Variants in INSYN2B observed in about 807,000 individuals in gnomAD.
The protein encoded by INSYN2B is protein INSYN2B.
In INSYN2B, 16 loss-of-function variants were observed where a neutral mutation model predicts 41.2. The ratio of observed to expected loss-of-function variants is 0.39; its 90% CI spans 0.26 to 0.59. The LOEUF (loss-of-function observed/expected upper bound fraction) is 0.59, where lower values mean the gene tolerates loss of function less well. INSYN2B is among the 20% of genes least tolerant of loss of function. The probability of loss-of-function intolerance (pLI) is 0.57; values close to 1 mark genes in which losing one functional copy is unlikely to be tolerated. For synonymous variants in INSYN2B, 245 were observed against 244.4 expected (o/e 1.00, Z -0.02); for missense variants, 608 against 646.4 (o/e 0.94, Z 0.64).
In INSYN2B at chr5:169,884,550, T is replaced by C. The variant is rs1192490993; in HGVS notation, c.-652A>G. 1 of 152,242 alleles carries C rather than the reference T, an allele frequency of 6.6e-6. No individual in the cohort carries two copies. The highest frequency in any genetic ancestry group is 1.5e-5 in the Non-Finnish European group (1 of 68,058). The allele number at this position is 152,242 out of a possible 1,614,324, so 9.4% of individuals were successfully genotyped here. ...TTCCTCCTTTGGGGCCATTGTTTTC[T>C]TTCATGCTGTCTCTCTTTTCTTCAG... is the stretch of plus-strand genomic sequence containing the variant. On this transcript the variant is annotated 5_prime_UTR_variant, in exon 2 of 4. Transcript: ENST00000377365.
chr5:169,879,999 T>C (rs1361046122), intron 3 of INSYN2B, among the ~76,000 whole-genome samples: 1 of 152,232 alleles, frequency 6.6e-6, no homozygotes, highest in Non-Finnish European at 1.5e-5. Context: ...AATAGTTTTG[T>C]CCTCTCTGTC....
intron 3 of INSYN2B, among the ~76,000 whole-genome samples, chr5:169,877,596 A>C (rs1772404302): frequency 6.6e-6 from 1 of 152,158 alleles, no homozygotes; most frequent in Non-Finnish European, 1.5e-5. Flanking sequence ...GGGATATGAC[A>C]AATTTGAGTT....
intron 1 of INSYN2B, among the ~76,000 whole-genome samples, chr5:169,950,657 A>G (rs1776625534): frequency 6.6e-6 from 1 of 152,156 alleles, no homozygotes; most frequent in African/African-American, 2.4e-5. Context: ...TTCCCCTATG[A>G]AGTATTTTGT....
chr5:169,970,549 A>G (rs369380382), intron 1 of INSYN2B, among the ~76,000 whole-genome samples: 3 of 152,174 alleles, frequency 2.0e-5, no homozygotes, highest in East Asian at 3.9e-4. Flanking sequence ...CTATGGGGAA[A>G]CCACCCAACC....
chr5:169,904,544 G>A (rs1420940773), intron 1 of INSYN2B, among the ~76,000 whole-genome samples: 9 of 152,060 alleles, frequency 5.9e-5, no homozygotes, highest in Non-Finnish European at 5.9e-5. Context: ...TTGGCAGAGA[G>A]CTCAGGCCTT....
At chr5:169,899,881 A>G (rs1200331096) in intron 1 of INSYN2B, among the ~76,000 whole-genome samples, 2 of 152,196 alleles carry the variant, frequency 1.3e-5, no homozygotes, top group Admixed American at 1.3e-4. Context: ...TTACAGCCCT[A>G]ATTAATGCTA....
At chr5:169,941,459 G>A (rs1176052246) in intron 1 of INSYN2B, among the ~76,000 whole-genome samples, 1 of 152,110 alleles carries the variant, frequency 6.6e-6, no homozygotes, top group Non-Finnish European at 1.5e-5. Context: ...GAGTGGGAGT[G>A]GTGTAGGCAC....
chr5:169,903,889 C>T (rs1453918906), intron 1 of INSYN2B, among the ~76,000 whole-genome samples: 1 of 151,930 alleles, frequency 6.6e-6, no homozygotes, highest in Non-Finnish European at 1.5e-5. Flanking sequence ...CACCTGAGGT[C>T]AGGAGTTCGA....
intron 1 of INSYN2B, among the ~76,000 whole-genome samples, chr5:169,899,861 A>G (rs1773820278): frequency 6.6e-6 from 1 of 152,234 alleles, no homozygotes; most frequent in South Asian, 2.1e-4. Context: ...GAAAAAAATT[A>G]AGCAGACTCT....
intron 1 of INSYN2B, among the ~76,000 whole-genome samples, chr5:169,977,898 C>T (rs367629258): frequency 2.6e-5 from 4 of 152,156 alleles, no homozygotes; most frequent in African/African-American, 9.7e-5. Context: ...ACAGACAGCA[C>T]CAATTTCATC....
intron 3 of INSYN2B, among the ~76,000 whole-genome samples, chr5:169,869,892 C>T (rs1016336423): frequency 1.3e-5 from 2 of 152,222 alleles, no homozygotes; most frequent in African/African-American, 4.8e-5. Context: ...CCATATTTCA[C>T]ATATGCTGTA....
intron 3 of INSYN2B, chr5:169,875,211 A>T (rs774203910): frequency 2.3e-4 from 104 of 456,550 alleles, no homozygotes; most frequent in African/African-American, 1.7e-3. Flanking sequence ...CTTTATTTGA[A>T]CCAACCATTC....
rs546356668 is a variant in INSYN2B, at chr5:169,914,725, TC to T, written c.-918-29910del. Among the ~76,000 whole-genome samples the T allele has an allele frequency of 1.7e-4, 26 of 152,332 alleles. No homozygotes were observed. The South Asian group carries it at 5.4e-3, about 32-fold the overall frequency. ...CATCAATCCCTGCAGGAGGAGCAGT[TC>T]TGTAGCCTTCTGGTGGGGCAGGGTC... On this transcript the variant is annotated intron_variant, in intron 1 of 3. Transcript: ENST00000377365.
chr5:169,877,774 G>A (rs1206623119), intron 3 of INSYN2B, among the ~76,000 whole-genome samples: 4 of 152,136 alleles, frequency 2.6e-5, no homozygotes, highest in South Asian at 2.1e-4. Flanking sequence ...AGGATAAGAC[G>A]AGGAGCAGTC....
At chr5:169,871,752 C>T (rs902172029) in intron 3 of INSYN2B, among the ~76,000 whole-genome samples, 15 of 152,210 alleles carry the variant, frequency 9.9e-5, no homozygotes, top group African/African-American at 3.6e-4. Flanking sequence ...GATGACCTCA[C>T]AGTCCCCTGT....
chr5:169,874,271 G>A (rs1158726565), intron 3 of INSYN2B, among the ~76,000 whole-genome samples: 2 of 151,988 alleles, frequency 1.3e-5, no homozygotes, highest in Non-Finnish European at 2.9e-5. Context: ...AAATTAGCTG[G>A]GTGTGGTGGC....
chr5:169,971,589 A>C (rs1267630499), intron 1 of INSYN2B, among the ~76,000 whole-genome samples: 1 of 152,194 alleles, frequency 6.6e-6, no homozygotes, highest in East Asian at 1.9e-4. Context: ...TCAGCTTCAT[A>C]AAAGCCAGAG....
intron 3 of INSYN2B, chr5:169,875,205 A>G (rs1388434007): frequency 4.4e-6 from 2 of 456,450 alleles, no homozygotes; most frequent in African/African-American, 2.0e-5. Context: ...CTTCTGCTTT[A>G]TTTGAACCAA....
At chr5:169,879,952 G>A (rs1312351585) in intron 3 of INSYN2B, among the ~76,000 whole-genome samples, 1 of 152,184 alleles carries the variant, frequency 6.6e-6, no homozygotes, top group Admixed American at 6.5e-5. Context: ...AAATTTAAAT[G>A]GAGGTTAGTT....
Sources: allele counts gnomAD v4.1 joint callset (sites outside exome capture counted in the v4.1 genomes callset), GRCh38; gene constraint gnomAD v4.1.1; transcripts MANE v1.5; gene names NCBI Gene and HGNC (gene_info 2026-07-23, HGNC 2026-07-21).